Variants in NAALADL2 observed in about 807,000 individuals in gnomAD.
NAALADL2 encodes the protein inactive N-acetylated-alpha-linked acidic dipeptidase-like protein 2.
A neutral mutation model predicts 87.2 loss-of-function variants in NAALADL2; 76 were observed. That is an observed-to-expected ratio of 0.87 (90% CI 0.72 to 1.05). NAALADL2 has a LOEUF of 1.05. NAALADL2 is among the 50% of genes least tolerant of loss of function. NAALADL2 has a pLI of 0.00. For synonymous variants in NAALADL2, 354 were observed against 331.0 expected, an observed-to-expected ratio of 1.07 and a Z score of -0.75; for missense variants, 1,089 against 945.8, an observed-to-expected ratio of 1.15 and a Z score of -1.99.
chr3:175,776,659 T>A (rs1431145507), intron 13 of NAALADL2, among the ~76,000 whole-genome samples: 1 of 152,100 alleles, frequency 6.6e-6, no homozygotes, highest in Non-Finnish European at 1.5e-5. Flanking sequence ...ATCCCAATTT[T>A]GCTTAATAAA....
chr3:174,695,499 A>G (rs1416205012), intron 2 of NAALADL2, among the ~76,000 whole-genome samples: 2 of 151,996 alleles, frequency 1.3e-5, no homozygotes, highest in African/African-American at 2.4e-5. Flanking sequence ...ACAAAACACT[A>G]ATTTCCCAAC....
rs563560268 is a variant in NAALADL2, at chr3:174,608,149, T to C, written c.-115+57512T>C. ...CAAAGACACAACATACCAGAATCTC[T>C]GGGACACATTCAAAGCAGTGTGTAG... On this transcript the variant is annotated intron_variant, in intron 2 of 3. Transcript: ENST00000434257. 7.9e-5 allele frequency among the ~76,000 whole-genome samples: 12 copies of C among 151,642 alleles called. No individual in the cohort carries two copies. In the East Asian group the frequency reaches 1.9e-3, roughly 24 times the overall value.
intron 1 of NAALADL2, among the ~76,000 whole-genome samples, chr3:175,069,161 G>T (rs993983517): frequency 1.3e-5 from 2 of 150,214 alleles, no homozygotes; most frequent in African/African-American, 2.5e-5. Context: ...ATTGACAAAT[G>T]GGATCTAATT....
At chr3:175,773,118 G>A (rs1278379889) in intron 13 of NAALADL2, 2 of 151,890 alleles carry the variant, frequency 1.3e-5, no homozygotes, top group South Asian at 2.1e-4. Flanking sequence ...AAAGTGGAAG[G>A]GTATTTCTCA....
intron 1 of NAALADL2, among the ~76,000 whole-genome samples, chr3:174,980,508 C>G (rs747732245): frequency 6.6e-5 from 10 of 151,830 alleles, no homozygotes; most frequent in Non-Finnish European, 1.5e-4. Flanking sequence ...GAGAATTGGC[C>G]TCTATAAAAA....
intron 11 of NAALADL2, among the ~76,000 whole-genome samples, chr3:175,708,396 T>C (rs1471766638): frequency 6.6e-6 from 1 of 152,012 alleles, no homozygotes; most frequent in Non-Finnish European, 1.5e-5. Context: ...TGAATAATGG[T>C]AGTGGCTCAG....
At chr3:174,877,120 T>A (rs1468574970) in intron 1 of NAALADL2, among the ~76,000 whole-genome samples, 1 of 152,160 alleles carries the variant, frequency 6.6e-6, no homozygotes, top group East Asian at 1.9e-4. Context: ...ACATTTAGTT[T>A]AGCCAGCTGA....
At chr3:175,576,875 G>C (rs1293515162) in intron 10 of NAALADL2, among the ~76,000 whole-genome samples, 1 of 151,980 alleles carries the variant, frequency 6.6e-6, no homozygotes. Context: ...GCTTACTTGA[G>C]GTAATTATTA....
chr3:174,712,422 C>G (rs1333130122), intron 2 of NAALADL2, among the ~76,000 whole-genome samples: 5 of 109,582 alleles, frequency 4.6e-5, no homozygotes, highest in Non-Finnish European at 6.8e-5. Context: ...GAGTCTTGCT[C>G]TGTCACCCAG....
chr3:175,611,940 A>T (rs1489142578), intron 10 of NAALADL2, among the ~76,000 whole-genome samples: 1 of 152,144 alleles, frequency 6.6e-6, no homozygotes, highest in Non-Finnish European at 1.5e-5. Context: ...GCCTTTATTG[A>T]TTTCCAGTTG....
chr3:175,610,102 G>T (rs578064042), intron 10 of NAALADL2, among the ~76,000 whole-genome samples: 21 of 152,252 alleles, frequency 1.4e-4, no homozygotes, highest in South Asian at 8.3e-4. Flanking sequence ...ATAAACTTGT[G>T]TTTGTTGAGA....
At chr3:174,870,076 GGTGT>G (rs368770474) in intron 1 of NAALADL2, among the ~76,000 whole-genome samples, 1 of 150,968 alleles carries the variant, frequency 6.6e-6, no homozygotes, top group African/African-American at 2.4e-5. Flanking sequence ...TGAGTTTGTG[GGTGT>G]GTGTGTGTAT....
At chr3:175,038,490 T>C (rs990470499) in intron 1 of NAALADL2, among the ~76,000 whole-genome samples, 4 of 152,194 alleles carry the variant, frequency 2.6e-5, no homozygotes, top group Admixed American at 2.0e-4. Context: ...GGTAAAATTG[T>C]GTATGCTTAA....
chr3:175,245,762 A>G (rs1357392084), intron 3 of NAALADL2, among the ~76,000 whole-genome samples: 1 of 152,176 alleles, frequency 6.6e-6, no homozygotes, highest in African/African-American at 2.4e-5. Context: ...CTTACGCTTA[A>G]TTCTGAATTC....
At chr3:175,432,888 A>G (rs1718000148) in intron 5 of NAALADL2, among the ~76,000 whole-genome samples, 1 of 151,948 alleles carries the variant, frequency 6.6e-6, no homozygotes, top group African/African-American at 2.4e-5. Flanking sequence ...ACTTACTTTT[A>G]TTGTTTCCTC....
chr3:175,228,844 G>C (rs1163251185), intron 2 of NAALADL2, among the ~76,000 whole-genome samples: 1 of 151,742 alleles, frequency 6.6e-6, no homozygotes, highest in Non-Finnish European at 1.5e-5. Context: ...TAGTTGAAAG[G>C]AACATTACAT....
At chr3:175,483,247 A>C (rs1726770859) in intron 9 of NAALADL2, among the ~76,000 whole-genome samples, 1 of 151,742 alleles carries the variant, frequency 6.6e-6, no homozygotes, top group Admixed American at 6.6e-5. Context: ...AGAGTCATTA[A>C]GTCTTTAGAA....
intron 11 of NAALADL2, chr3:175,718,599 C>T: frequency 1.9e-6 from 3 of 1,594,384 alleles, no homozygotes; most frequent in Non-Finnish European, 1.7e-6. Context: ...CCTTTCTGGC[C>T]TTCTTCGAGT....
At chr3:174,780,451 C>T (rs997277708) in intron 3 of NAALADL2, among the ~76,000 whole-genome samples, 4 of 152,188 alleles carry the variant, frequency 2.6e-5, no homozygotes, top group East Asian at 1.9e-4. Context: ...GACCTCCTCT[C>T]TTCTATATGA....
Sources: gnomAD v4.1 joint callset for allele counts (sites outside exome capture counted in the v4.1 genomes callset) on GRCh38, gnomAD v4.1.1 for gene constraint, MANE v1.5 for transcripts, NCBI Gene and HGNC (gene_info 2026-07-23, HGNC 2026-07-21) for gene names.